CAGE1: variants seen among roughly 807,000 people sequenced by gnomAD.
CAGE1 encodes cancer-associated gene 1 protein.
In CAGE1, 66 loss-of-function variants were observed where a neutral mutation model predicts 94.9. That is an observed-to-expected ratio of 0.70 (90% confidence interval 0.57 to 0.85). The LOEUF is 0.85. CAGE1 is among the 40% of genes least tolerant of loss of function. The probability of loss-of-function intolerance (pLI) is 0.00; values close to 1 mark genes in which losing one functional copy is unlikely to be tolerated. For synonymous variants in CAGE1, 319 were observed against 321.0 expected (o/e 0.99, Z 0.07); for missense variants, 865 against 950.4 (o/e 0.91, Z 1.18).
At chr6:7,375,573 C>CA (rs1302451934) in intron 4 of CAGE1, among the ~76,000 whole-genome samples, 9 of 151,750 alleles carry the variant, frequency 5.9e-5, no homozygotes, top group African/African-American at 1.2e-4. Context: ...CCTATCTCTT[C>CA]AAAAAAAATA....
intron 12 of CAGE1, chr6:7,331,384 A>G (rs1363300211): frequency 2.2e-5 from 21 of 934,340 alleles, no homozygotes; most frequent in South Asian, 3.6e-5. Context: ...AACAGCTGCT[A>G]CTTTAGTGCA....
rs545926619 is a variant in CAGE1 at position 7,328,873 on chromosome 6, AGTGTGTGTGTGTGTGTGTGTGTGTGTGT to A, written c.2478+948_2478+975del. On this transcript the variant is annotated intron_variant, in intron 13 of 13. Transcript: ENST00000502583. ...TGGAAGTACTACTCTGTATCTTATA[AGTGTGTGTGTGTGTGTGTGTGTGTGTGT>A]GTGTGTGTGTGTGTGTGTATATATA... Among the ~76,000 whole-genome samples the A allele has an allele frequency of 1.2e-4, 13 of 105,410 alleles. No homozygotes were observed. In the East Asian group the frequency reaches 3.4e-3, roughly 27 times the overall value. The allele number at this position is 105,410 out of a possible 152,430, so 69.2% of individuals were successfully genotyped here.
At chr6:7,388,251 C>G (rs1368456214) in intron 1 of CAGE1, among the ~76,000 whole-genome samples, 4 of 152,134 alleles carry the variant, frequency 2.6e-5, no homozygotes, top group Admixed American at 6.5e-5. Flanking sequence ...CTCCCCTGCT[C>G]TACTCAGATC....
intron 11 of CAGE1, chr6:7,341,689 G>T: frequency 1.4e-6 from 1 of 714,164 alleles, no homozygotes. Flanking sequence ...GTACAGGCAG[G>T]AGCTAAAGTC....
chr6:7,365,645 T>G, intron 8 of CAGE1, 70 bp from the exon 9 acceptor site: 1 of 1,501,558 alleles, frequency 6.7e-7, no homozygotes, highest in Non-Finnish European at 9.1e-7. Context: ...CAATAAATAC[T>G]TTATTAGTTT....
chr6:7,385,931 G>A (rs1761107575), intron 2 of CAGE1, 59 bp from the exon 3 acceptor site: 3 of 878,842 alleles, frequency 3.4e-6, no homozygotes, highest in South Asian at 1.7e-5. Context: ...TCTTCTAAAG[G>A]TATTTGCACA....
rs528641945 is a variant in CAGE1 at position 7,327,036 on chromosome 6, G to T, written c.2479-137C>A. On this transcript the variant is annotated intron_variant, in intron 13 of 13. Transcript: ENST00000502583. ...AGCCTATAGATAGATGAATTCCACAGATAATACCAACACTATATTTTGTTT... is the reference window on the plus strand; with the variant it reads ...AGCCTATAGATAGATGAATTCCACATATAATACCAACACTATATTTTGTTT... 7.4e-6 allele frequency: 5 copies of T among 675,514 alleles called. No individual in the cohort carries two copies. The East Asian group carries it at 1.3e-4, about 17-fold the overall frequency. 41.8% of individuals were successfully genotyped at this position (675,514 alleles called of 1,614,324 possible). A position where few individuals can be genotyped will look rare whatever the true frequency, so the allele number is the denominator to read the frequency against.
At chr6:7,387,350 C>T (rs1018792696) in intron 1 of CAGE1, among the ~76,000 whole-genome samples, 154 bp from the exon 2 acceptor site, 7 of 151,926 alleles carry the variant, frequency 4.6e-5, no homozygotes, top group Non-Finnish European at 8.8e-5. Context: ...CTGAGTATAC[C>T]GTAATTTGGT....
chr6:7,338,887 C>T, intron 11 of CAGE1: 1 of 1,548,890 alleles, frequency 6.5e-7, no homozygotes, highest in Non-Finnish European at 8.9e-7. Context: ...GCTTCCCACC[C>T]TTCTGTTCTG....
intron 1 of CAGE1, among the ~76,000 whole-genome samples, chr6:7,388,851 C>A (rs553266831): frequency 4.1e-4 from 62 of 152,288 alleles, no homozygotes; most frequent in Non-Finnish European, 7.4e-4. Context: ...CTGAAAAATT[C>A]TTGCTTTGTT....
At chr6:7,353,998 T>G (rs1435935039) in intron 11 of CAGE1, among the ~76,000 whole-genome samples, 1 of 151,948 alleles carries the variant, frequency 6.6e-6, no homozygotes, top group Non-Finnish European at 1.5e-5. Flanking sequence ...CAGTGTATAC[T>G]GACTGGGTGA....
chr6:7,375,924 T>G (rs553142577), intron 4 of CAGE1, among the ~76,000 whole-genome samples: 10 of 152,322 alleles, frequency 6.6e-5, no homozygotes, highest in African/African-American at 2.4e-4. Flanking sequence ...ATCTTGCTCT[T>G]GATATCTGCT....
intron 4 of CAGE1, among the ~76,000 whole-genome samples, chr6:7,376,439 A>C (rs1282171130): frequency 2.0e-5 from 3 of 151,614 alleles, no homozygotes; most frequent in African/African-American, 7.3e-5. Context: ...TAAATAAAAT[A>C]AAAGTTAGTT....
At chr6:7,335,910 G>T (rs754319122) in intron 11 of CAGE1, among the ~76,000 whole-genome samples, 15 of 152,136 alleles carry the variant, frequency 9.9e-5, no homozygotes, top group Non-Finnish European at 1.6e-4. Context: ...TATAAATCTA[G>T]ATTTTTACAG....
At position 7,356,052 on chromosome 6, in the gene CAGE1, T is replaced by C. The variant is rs1480142253; in HGVS notation, c.2271A>G (p.Gln757=). 1.9e-6 allele frequency: 3 copies of C among 1,547,826 alleles called. No homozygotes were observed. Among genetic ancestry groups the C allele is most frequent in the Non-Finnish European group, 2.6e-6 (3 of 1,143,386 alleles). The change falls in exon 10 of 14, where the codon CAA becomes CAG. Residue 757 remains glutamine, a synonymous_variant. Transcript: ENST00000502583. The part of the protein sequence containing the change: ...NRLIEENDKY[Q]RHLGNLIKKV... ...TCTTTATTAAGTTGCCTAAATGTCT[T>C]TGATACTTGTCATTTTCTTCAATGA...
chr6:7,383,291 A>G (rs1761004834), intron 3 of CAGE1, among the ~76,000 whole-genome samples: 1 of 152,246 alleles, frequency 6.6e-6, no homozygotes, highest in South Asian at 2.1e-4. Flanking sequence ...TGGCAGTGTG[A>G]AAACAGACTA....
rs545926619 is a variant in CAGE1, at chr6:7,328,873, AGTGTGTGTGTGTGTGTGT to A, written c.2478+958_2478+975del. On this transcript the variant is annotated intron_variant, in intron 13 of 13. Transcript: ENST00000502583. ...TGGAAGTACTACTCTGTATCTTATA[AGTGTGTGTGTGTGTGTGT>A]GTGTGTGTGTGTGTGTGTGTGTGTG... Among the ~76,000 whole-genome samples, 492 of 105,402 alleles carry A rather than the reference AGTGTGTGTGTGTGTGTGT, an allele frequency of 4.7e-3. 2 individuals are homozygous for A. The highest frequency in any genetic ancestry group is 7.3e-3 in the Non-Finnish European group (404 of 55,104). 69.1% of individuals were successfully genotyped at this position (105,402 alleles called of 152,430 possible).
intron 11 of CAGE1, among the ~76,000 whole-genome samples, chr6:7,335,013 C>T (rs541428135): frequency 6.6e-5 from 10 of 152,172 alleles, no homozygotes; most frequent in Non-Finnish European, 1.3e-4. Context: ...TCTAGAAGCT[C>T]GAGAGGAGAA....
chr6:7,333,110 C>T (rs1012071153), intron 12 of CAGE1, among the ~76,000 whole-genome samples: 24 of 152,094 alleles, frequency 1.6e-4, no homozygotes, highest in African/African-American at 5.3e-4. Flanking sequence ...ACCACCATGC[C>T]TGGCTAATTT....
Sources: gnomAD v4.1 joint callset for allele counts (sites outside exome capture counted in the v4.1 genomes callset) on GRCh38, gnomAD v4.1.1 for gene constraint, MANE v1.5 for transcripts, NCBI Gene and HGNC (gene_info 2026-07-23, HGNC 2026-07-21) for gene names.